The following MNAT1 variants were observed in gnomAD, a reference collection of about 807,000 sequenced individuals.
MNAT1 encodes the protein CDK-activating kinase assembly factor MAT1.
A neutral mutation model predicts 42.0 loss-of-function variants in MNAT1; 43 were observed. The ratio of observed to expected loss-of-function variants is 1.02; its 90% CI spans 0.80 to 1.32. The LOEUF is 1.32. Among genes scored for constraint, MNAT1 ranks in the 40% most tolerant of loss-of-function variants. The pLI is 0.00. For synonymous variants in MNAT1, 118 were observed against 120.0 expected (o/e 0.98, Z 0.11); for missense variants, 306 against 350.4 (o/e 0.87, Z 1.01).
chr14:60,899,718 C>T (rs955018637), intron 7 of MNAT1, among the ~76,000 whole-genome samples: 5 of 152,148 alleles, frequency 3.3e-5, no homozygotes, highest in African/African-American at 1.2e-4. Flanking sequence ...ATCTATGACT[C>T]TTGAAGAAAT....
chr14:60,739,771 A>G (rs1896412170), intron 1 of MNAT1, among the ~76,000 whole-genome samples: 1 of 152,180 alleles, frequency 6.6e-6, no homozygotes, highest in African/African-American at 2.4e-5. Context: ...CAGGCCACCT[A>G]TTTCAAGAAA....
chr14:60,912,498 C>G (rs1289217327), intron 7 of MNAT1, among the ~76,000 whole-genome samples: 1 of 152,132 alleles, frequency 6.6e-6, no homozygotes, highest in Non-Finnish European at 1.5e-5. Context: ...CCTTCAGGAG[C>G]TTTTGTAGGG....
intron 1 of MNAT1, among the ~76,000 whole-genome samples, chr14:60,765,557 A>C (rs2140302945): frequency 6.6e-6 from 1 of 152,326 alleles, no homozygotes; most frequent in East Asian, 1.9e-4. Flanking sequence ...AATATAACTA[A>C]ACAGTCTGAT....
At chr14:60,909,156 T>C (rs912200396) in intron 7 of MNAT1, among the ~76,000 whole-genome samples, 15 of 152,238 alleles carry the variant, frequency 9.9e-5, no homozygotes, top group African/African-American at 3.1e-4. Context: ...CTTCACCCAC[T>C]TTTTGATGGG....
chr14:60,957,708 T>C (rs955419381), intron 7 of MNAT1, among the ~76,000 whole-genome samples: 1 of 152,242 alleles, frequency 6.6e-6, no homozygotes, highest in African/African-American at 2.4e-5. Flanking sequence ...GTAGCTCTAG[T>C]TCTTTTCTGG....
intron 6 of MNAT1, among the ~76,000 whole-genome samples, chr14:60,833,018 C>CA (rs1456227863): frequency 6.6e-6 from 1 of 152,112 alleles, no homozygotes; most frequent in Non-Finnish European, 1.5e-5. Flanking sequence ...GACTTTTGCA[C>CA]ATTGATTTTG....
At chr14:60,766,670 A>G (rs1173031115) in intron 1 of MNAT1, among the ~76,000 whole-genome samples, 1 of 152,324 alleles carries the variant, frequency 6.6e-6, no homozygotes, top group East Asian at 1.9e-4. Flanking sequence ...TGATCGCGCC[A>G]CTGCACTCCA....
intron 7 of MNAT1, among the ~76,000 whole-genome samples, chr14:60,937,386 C>T (rs2036021593): frequency 1.3e-5 from 2 of 152,176 alleles, no homozygotes; most frequent in Admixed American, 1.3e-4. Context: ...TTTAATCCAT[C>T]TTGAATTAAT....
intron 7 of MNAT1, among the ~76,000 whole-genome samples, chr14:60,929,937 A>G (rs1285602554): frequency 6.6e-6 from 1 of 152,058 alleles, no homozygotes; most frequent in Non-Finnish European, 1.5e-5. Flanking sequence ...AAACAAACAA[A>G]CACCTAACCT....
At chr14:60,789,846 G>A (rs1166774616) in intron 1 of MNAT1, among the ~76,000 whole-genome samples, 1 of 152,168 alleles carries the variant, frequency 6.6e-6, no homozygotes, top group Non-Finnish European at 1.5e-5. Flanking sequence ...ATTAACACAT[G>A]CTGGCTAGGA....
At chr14:60,796,838 T>G (rs766134544) in intron 2 of MNAT1, among the ~76,000 whole-genome samples, 15 of 152,184 alleles carry the variant, frequency 9.9e-5, no homozygotes, top group Non-Finnish European at 1.8e-4. Context: ...TCAGTGTTGC[T>G]GTGGTCAATG....
At chr14:60,894,600 G>T (rs2034913795) in intron 7 of MNAT1, among the ~76,000 whole-genome samples, 1 of 151,966 alleles carries the variant, frequency 6.6e-6, no homozygotes, top group Admixed American at 6.6e-5. Context: ...TTTAGATAAG[G>T]TATAACCTTA....
chr14:60,747,985 A>T (rs1225693603), intron 1 of MNAT1, among the ~76,000 whole-genome samples: 1 of 152,132 alleles, frequency 6.6e-6, no homozygotes, highest in Non-Finnish European at 1.5e-5. Flanking sequence ...TCATGAGGTC[A>T]GGAGATCGAG....
intron 1 of MNAT1, among the ~76,000 whole-genome samples, chr14:60,739,001 G>A (rs954025068): frequency 6.6e-6 from 1 of 152,188 alleles, no homozygotes; most frequent in Non-Finnish European, 1.5e-5. Flanking sequence ...TTGTAATCAA[G>A]TTGTTGGCTA....
At chr14:60,852,235 G>A (rs1439792106) in intron 6 of MNAT1, among the ~76,000 whole-genome samples, 2 of 152,160 alleles carry the variant, frequency 1.3e-5, no homozygotes, top group South Asian at 2.1e-4. Context: ...TCTCACTGGT[G>A]TGAGATGGTA....
At chr14:60,938,785 T>A (rs182409932) in intron 7 of MNAT1, among the ~76,000 whole-genome samples, 14 of 152,338 alleles carry the variant, frequency 9.2e-5, no homozygotes, top group African/African-American at 3.1e-4. Flanking sequence ...TTCTACTGAT[T>A]GGAATAGTTT....
At chr14:60,762,765 T>C (rs997731265) in intron 1 of MNAT1, among the ~76,000 whole-genome samples, 5 of 151,898 alleles carry the variant, frequency 3.3e-5, no homozygotes, top group East Asian at 1.9e-4. Flanking sequence ...TCTTTTTTTT[T>C]CCTTCCCTTA....
chr14:60,809,750 C>T (rs2032486900), intron 4 of MNAT1, among the ~76,000 whole-genome samples: 1 of 152,002 alleles, frequency 6.6e-6, no homozygotes, highest in Non-Finnish European at 1.5e-5. Flanking sequence ...CAGTTGGATT[C>T]AGTTTATAAG....
At chr14:60,843,608 A>T (rs912801234) in intron 6 of MNAT1, among the ~76,000 whole-genome samples, 1 of 152,066 alleles carries the variant, frequency 6.6e-6, no homozygotes, top group Non-Finnish European at 1.5e-5. Flanking sequence ...TGATGACTCT[A>T]TTAAAATCTT....
Sources: gnomAD v4.1 joint callset for allele counts (sites outside exome capture counted in the v4.1 genomes callset) on GRCh38, gnomAD v4.1.1 for gene constraint, MANE v1.5 for transcripts, NCBI Gene and HGNC (gene_info 2026-07-23, HGNC 2026-07-21) for gene names.